SFMBT2: variants seen among roughly 807,000 people sequenced by gnomAD.
The protein encoded by SFMBT2 is Scm like with four mbt domains 2.
In SFMBT2, 38 loss-of-function variants were observed where a neutral mutation model predicts 110.1. The observed-to-expected ratio is 0.35, with a 90% CI of 0.27 to 0.45. SFMBT2 has a LOEUF of 0.45. Ranked by LOEUF, SFMBT2 falls within the 20% of genes least tolerant of loss-of-function variation. The pLI is 1.00. For missense variants in SFMBT2, 1,011 were observed against 1,094.9 expected, an observed-to-expected ratio of 0.92 and a Z score of 1.08; for synonymous variants, 425 against 425.4, an observed-to-expected ratio of 1.00 and a Z score of 0.01.
rs188006732 is a variant in SFMBT2, at chr10:7,321,277, C to T, written c.437-35323G>A. ...AGTGCAGTGGCACAATCTCGGCTCA[C>T]GGCAAGCTCCGCCTCCCGGGTTCAT... On this transcript the variant is annotated intron_variant, in intron 4 of 20. Transcript: ENST00000397167. 1.3e-3 allele frequency among the ~76,000 whole-genome samples: 201 copies of T among 150,660 alleles called. 1 individual carries two copies. The highest frequency in any genetic ancestry group is 1.2e-3 in the Non-Finnish European group (79 of 67,848).
rs535757349 is a variant in SFMBT2, at chr10:7,279,844, C to G, written c.773-2855G>C. Among the ~76,000 whole-genome samples the G allele has an allele frequency of 2.6e-5, 4 of 152,310 alleles. No individual in the cohort carries two copies. In the East Asian group the frequency reaches 5.8e-4, roughly 22 times the overall value. ...GAAACAACTCTTCTTTTATCCACCT[C>G]CCTCCAAAAAACTTCTATGTCCTTC... On this transcript the variant is annotated intron_variant, in intron 6 of 20. Coordinates refer to ENST00000397167, the MANE Select transcript of SFMBT2 (RefSeq NM_001387889.1).
intron 10 of SFMBT2, among the ~76,000 whole-genome samples, chr10:7,223,340 G>C (rs1339638594): frequency 6.6e-6 from 1 of 152,114 alleles, no homozygotes; most frequent in African/African-American, 2.4e-5. Flanking sequence ...TAGGTATCTA[G>C]TGGTGTCTCA....
chr10:7,340,682 C>T (rs1347708898), intron 4 of SFMBT2, among the ~76,000 whole-genome samples: 5 of 142,200 alleles, frequency 3.5e-5, no homozygotes, highest in Admixed American at 7.1e-5. Flanking sequence ...AAAAATACTG[C>T]AAAACAATAG....
Position 7,163,641 on chromosome 10 carries a change from G to A in SFMBT2, c.*129C>T. On this transcript the variant is annotated 3_prime_UTR_variant, in exon 21 of 21. Transcript: ENST00000397167. The surrounding 1 kb of genome is among the most constrained non-coding windows in gnomAD (Gnocchi z 4.8). ...GGCTGGCGGAGGCAGAAGATCCTGG[G>A]CTTCTGGTTTTCTGGTGATACTTAG... is the stretch of plus-strand genomic sequence containing the variant. The A allele has an allele frequency of 3.8e-6, 3 of 799,682 alleles. No individual in the cohort carries two copies. The highest frequency in any genetic ancestry group is 3.9e-6 in the Non-Finnish European group (2 of 508,820). 49.5% of individuals were successfully genotyped at this position (799,682 alleles called of 1,614,324 possible). A position where few individuals can be genotyped will look rare whatever the true frequency, so the allele number is the denominator to read the frequency against.
chr10:7,390,390 A>G (rs1221881778), intron 1 of SFMBT2, among the ~76,000 whole-genome samples: 1 of 152,230 alleles, frequency 6.6e-6, no homozygotes, highest in Non-Finnish European at 1.5e-5. Flanking sequence ...GAGACTTAAC[A>G]GTTTCCCCCT....
At chr10:7,196,681 A>AT in intron 15 of SFMBT2, among the ~76,000 whole-genome samples, 1 of 152,216 alleles carries the variant, frequency 6.6e-6, no homozygotes, top group Non-Finnish European at 1.5e-5. Flanking sequence ...GGATCAATGG[A>AT]TTGCTGTGCC....
intron 4 of SFMBT2, among the ~76,000 whole-genome samples, chr10:7,326,737 C>T (rs1843395891): frequency 6.6e-6 from 1 of 152,148 alleles, no homozygotes. Flanking sequence ...TTGAGCTGTG[C>T]AGTTAACTCT....
Position 7,197,434 on chromosome 10 carries a change from G to A in SFMBT2, c.1698+114C>T, listed in dbSNP as rs894931035. 12 of 1,410,402 alleles carry A rather than the reference G, an allele frequency of 8.5e-6. No individual in the cohort carries two copies. The African/African-American group carries it at 8.6e-5, about 10-fold the overall frequency. 87.4% of individuals were successfully genotyped at this position (1,410,402 alleles called of 1,614,324 possible). A position where few individuals can be genotyped will look rare whatever the true frequency, so the allele number is the denominator to read the frequency against. On this transcript the variant is annotated intron_variant, in intron 15 of 20. Transcript: ENST00000397167. Reference sequence around the variant, plus strand: ...ACAGGATGGAGAGAACGGAGGTCTCGGTAAATGCCAGCTGAACTGCTTCCA... The same window carrying A: ...ACAGGATGGAGAGAACGGAGGTCTCAGTAAATGCCAGCTGAACTGCTTCCA...
At chr10:7,320,697 G>A (rs991852091) in intron 4 of SFMBT2, 1 of 794,574 alleles carries the variant, frequency 1.3e-6, no homozygotes, top group Non-Finnish European at 1.5e-6. Context: ...AAAGTTTAAA[G>A]AGTCTAACCT....
chr10:7,383,938 C>T (rs971094805), intron 1 of SFMBT2, among the ~76,000 whole-genome samples: 9 of 152,040 alleles, frequency 5.9e-5, no homozygotes, highest in South Asian at 2.1e-4. Flanking sequence ...AGGCTGAGTG[C>T]GGTGGCTCAT....
At chr10:7,281,149 G>A (rs1483685383) in intron 6 of SFMBT2, among the ~76,000 whole-genome samples, 6 of 152,194 alleles carry the variant, frequency 3.9e-5, no homozygotes, top group South Asian at 2.1e-4. Context: ...GGGAAGCTGC[G>A]ATGGGAAGAT....
At position 7,291,805 on chromosome 10, in the gene SFMBT2, A is replaced by G. The variant is rs894716386; in HGVS notation, c.437-5851T>C. On this transcript the variant is annotated intron_variant, in intron 4 of 20. Coordinates refer to ENST00000397167, the MANE Select transcript of SFMBT2 (RefSeq NM_001387889.1). ...TCAGAGATGAGGCAGAGGGATAAAT[A>G]TATGGTTTCTAGTCCTTGGTTGTAC... 7.2e-5 allele frequency among the ~76,000 whole-genome samples: 11 copies of G among 152,180 alleles called. 1 individual carries two copies. The highest frequency in any genetic ancestry group is 6.5e-4 in the Admixed American group (10 of 15,284).
chr10:7,308,297 C>T (rs1461577635), intron 4 of SFMBT2, among the ~76,000 whole-genome samples: 1 of 152,084 alleles, frequency 6.6e-6, no homozygotes, highest in African/African-American at 2.4e-5. Flanking sequence ...GAAGTAGAGG[C>T]TGCAATGAGC....
intron 1 of SFMBT2, among the ~76,000 whole-genome samples, chr10:7,382,636 A>AC (rs1042550057): frequency 6.7e-6 from 1 of 149,572 alleles, no homozygotes; most frequent in East Asian, 2.0e-4. Flanking sequence ...AGCAACCTCC[A>AC]CCCCCCACAC....
At chr10:7,176,488 G>A (rs1379658308) in intron 16 of SFMBT2, 7 of 985,208 alleles carry the variant, frequency 7.1e-6, no homozygotes, top group African/African-American at 3.5e-5. Context: ...CATGGCTCTC[G>A]AAATGAGGTT....
chr10:7,230,399 A>G lies in SFMBT2; in HGVS notation c.1121-2462T>C, dbSNP rs1017437059. 5.9e-5 allele frequency among the ~76,000 whole-genome samples: 9 copies of G among 152,312 alleles called. No individual in the cohort carries two copies. In the South Asian group the frequency reaches 1.9e-3, roughly 32 times the overall value. On this transcript the variant is annotated intron_variant, in intron 9 of 20. Transcript: ENST00000397167. ...ATGTGAGTTTCTCTACAATTAAGAA[A>G]ACCCTCCACTTTGAGCGTAGTTTCT...
At chr10:7,204,372 T>A in intron 12 of SFMBT2, 1 of 985,362 alleles carries the variant, frequency 1.0e-6, no homozygotes, top group Non-Finnish European at 1.2e-6. Context: ...GAACAGGCTG[T>A]TAGGAAGAAG....
In SFMBT2 at chr10:7,216,392, T is replaced by C. The variant is rs190449380; in HGVS notation, c.1330+4019A>G. ...CAAGATCTGATGGTTTTAGAAGGGGTTTCCCTTTTTGCTTGGCCTCATTCT... is the reference window on the plus strand; with the variant it reads ...CAAGATCTGATGGTTTTAGAAGGGGCTTCCCTTTTTGCTTGGCCTCATTCT... On this transcript the variant is annotated intron_variant, in intron 11 of 20. Transcript: ENST00000397167. Among the ~76,000 whole-genome samples the C allele has an allele frequency of 2.0e-5, 3 of 152,214 alleles. No individual in the cohort carries two copies. The East Asian group carries it at 5.8e-4, about 29-fold the overall frequency.
At chr10:7,253,113 A>G (rs1196118385) in intron 7 of SFMBT2, among the ~76,000 whole-genome samples, 4 of 151,912 alleles carry the variant, frequency 2.6e-5, no homozygotes, top group Non-Finnish European at 5.9e-5. Flanking sequence ...GGGCACCCCA[A>G]CTCCACAGGG....
Sources: gnomAD v4.1 joint callset for allele counts (sites outside exome capture counted in the v4.1 genomes callset) on GRCh38, gnomAD v4.1.1 for gene constraint, Gnocchi (gnomAD v3.1) non-coding constraint, MANE v1.5 for transcripts, NCBI Gene and HGNC (gene_info 2026-07-23, HGNC 2026-07-21) for gene names.